DNER: variants seen among roughly 807,000 people sequenced by gnomAD.
The protein encoded by DNER is delta/notch like EGF repeat containing, also known as delta and Notch-like epidermal growth factor-related receptor.
DNER carries 33 observed loss-of-function variants against 78.2 expected under a neutral mutation model. That is an observed-to-expected ratio of 0.42 (90% CI 0.32 to 0.56). The LOEUF (loss-of-function observed/expected upper bound fraction) is 0.56, where lower values mean the gene tolerates loss of function less well. Ranked by LOEUF, DNER falls within the 20% of genes least tolerant of loss-of-function variation. DNER has a pLI of 0.11. For missense variants in DNER, 918 were observed against 975.3 expected, an observed-to-expected ratio of 0.94 and a Z score of 0.78; for synonymous variants, 417 against 384.8, an observed-to-expected ratio of 1.08 and a Z score of -0.98.
At chr2:229,486,899 G>A (rs1417889730) in intron 6 of DNER, among the ~76,000 whole-genome samples, 1 of 152,148 alleles carries the variant, frequency 6.6e-6, no homozygotes, top group East Asian at 1.9e-4. Context: ...AAACTCTGGG[G>A]GTGGGGCCTG....
chr2:229,655,015 T>TA (rs547138164), intron 1 of DNER, among the ~76,000 whole-genome samples: 27 of 152,056 alleles, frequency 1.8e-4, no homozygotes, highest in Admixed American at 1.4e-3. Context: ...TCAGATGTTT[T>TA]AAAAAAAATT....
At chr2:229,472,303 G>A (rs1033883683) in intron 7 of DNER, among the ~76,000 whole-genome samples, 4 of 152,140 alleles carry the variant, frequency 2.6e-5, no homozygotes, top group Non-Finnish European at 4.4e-5. Context: ...ATAGGTAATT[G>A]CCAGGAAGGT....
Position 229,585,974 on chromosome 2 carries a change from G to A in DNER, c.731C>T (p.Ala244Val), listed in dbSNP as rs1171988573. Residue 244 changes from alanine (A) to valine (V), a missense_variant, in exon 4 of 13, where the codon GCC (alanine) becomes GTC (valine). By Grantham distance (64) the Ala-to-Val change is moderately conservative. Transcript: ENST00000341772. ...GAGGGAGCACTGTTGGAATCCTGTG[G>A]CCGTGACCTTCCAGAGCAAAATCAG... is the stretch of plus-strand genomic sequence containing the variant. ...ASLILLWKVT[A>V]TGFQQCSLID... 3 of 1,613,948 alleles carry A rather than the reference G, an allele frequency of 1.9e-6. No homozygotes were observed. The highest frequency in any genetic ancestry group is 2.5e-6 in the Non-Finnish European group (3 of 1,179,976).
chr2:229,455,616 G>A (rs1463013574), intron 7 of DNER, among the ~76,000 whole-genome samples: 1 of 152,042 alleles, frequency 6.6e-6, no homozygotes, highest in Non-Finnish European at 1.5e-5. Context: ...ACAGTTACTG[G>A]GCCATGCAGT....
chr2:229,666,708 A>G (rs906636505), intron 1 of DNER, among the ~76,000 whole-genome samples: 15 of 152,180 alleles, frequency 9.9e-5, no homozygotes, highest in African/African-American at 3.6e-4. Context: ...CCATATCATG[A>G]TTTCTGACCA....
chr2:229,610,612 T>A (rs1437808749), intron 1 of DNER, among the ~76,000 whole-genome samples: 2 of 152,048 alleles, frequency 1.3e-5, no homozygotes, highest in Non-Finnish European at 2.9e-5. Flanking sequence ...GGTCCTTTCG[T>A]GATACTTAGG....
At chr2:229,499,135 T>C (rs967134024) in intron 6 of DNER, among the ~76,000 whole-genome samples, 6 of 152,076 alleles carry the variant, frequency 3.9e-5, no homozygotes, top group African/African-American at 1.4e-4. Context: ...TTTTCAACAA[T>C]GATGCCAAGA....
chr2:229,607,953 C>T (rs1435125775), intron 1 of DNER, among the ~76,000 whole-genome samples: 1 of 139,822 alleles, frequency 7.2e-6, no homozygotes, highest in Non-Finnish European at 1.5e-5. Context: ...ACCCAGGAGG[C>T]AGAGTTTGCA....
intron 4 of DNER, among the ~76,000 whole-genome samples, chr2:229,571,779 T>G (rs969790101): frequency 2.6e-5 from 4 of 152,128 alleles, no homozygotes; most frequent in African/African-American, 4.8e-5. Flanking sequence ...TTCTGCCACC[T>G]TGTTTCTCAG....
chr2:229,367,948 T>C (rs1373875386), intron 11 of DNER, among the ~76,000 whole-genome samples: 1 of 152,214 alleles, frequency 6.6e-6, no homozygotes, highest in Non-Finnish European at 1.5e-5. Flanking sequence ...TTATCACCTA[T>C]TCCATATTTA....
chr2:229,643,747 C>G (rs1162669259), intron 1 of DNER, among the ~76,000 whole-genome samples: 1 of 152,214 alleles, frequency 6.6e-6, no homozygotes, highest in Admixed American at 6.5e-5. Context: ...CTTATGTTAT[C>G]ACAATGCATG....
intron 8 of DNER, among the ~76,000 whole-genome samples, chr2:229,422,950 T>C (rs1487712829): frequency 6.6e-6 from 1 of 152,122 alleles, no homozygotes; most frequent in Non-Finnish European, 1.5e-5. Context: ...GAAGGTGGGT[T>C]AGCAGTGTCA....
At chr2:229,646,398 A>G (rs1057346054) in intron 1 of DNER, among the ~76,000 whole-genome samples, 2 of 152,246 alleles carry the variant, frequency 1.3e-5, no homozygotes, top group Admixed American at 1.3e-4. Flanking sequence ...TATCTGTTTA[A>G]TGCAGAATCC....
intron 11 of DNER, among the ~76,000 whole-genome samples, chr2:229,369,248 A>T (rs765342785): frequency 4.8e-4 from 73 of 151,068 alleles, no homozygotes; most frequent in African/African-American, 9.7e-4. Flanking sequence ...TAAAAAGTTT[A>T]AAAAAAAAGT....
Position 229,575,845 on chromosome 2 carries a change from A to T in DNER, c.847+10013T>A, listed in dbSNP as rs573887642. On this transcript the variant is annotated intron_variant, in intron 4 of 12. Coordinates refer to ENST00000341772, the MANE Select transcript of DNER (RefSeq NM_139072.4). Reference sequence around the variant, plus strand: ...GAGTTCAGGCCAACTAATTTTTTTAAATCCTAAAATCCATTAAGTAATAGA... The same window carrying T: ...GAGTTCAGGCCAACTAATTTTTTTATATCCTAAAATCCATTAAGTAATAGA... 4.9e-4 allele frequency among the ~76,000 whole-genome samples: 74 copies of T among 152,318 alleles called. 1 individual carries two copies. Among genetic ancestry groups the T allele is most frequent in the African/African-American group, 1.6e-3 (66 of 41,574 alleles).
At chr2:229,627,000 T>C (rs935721840) in intron 1 of DNER, among the ~76,000 whole-genome samples, 8 of 152,242 alleles carry the variant, frequency 5.3e-5, no homozygotes, top group Non-Finnish European at 1.2e-4. Context: ...GGGATGTTAA[T>C]AACTCAACCC....
intron 11 of DNER, among the ~76,000 whole-genome samples, chr2:229,379,520 T>C (rs930870893): frequency 7.9e-5 from 12 of 152,218 alleles, no homozygotes; most frequent in African/African-American, 2.2e-4. Context: ...TTTTTTACAA[T>C]GATAGGATTT....
intron 1 of DNER, among the ~76,000 whole-genome samples, chr2:229,646,751 T>C (rs1451431808): frequency 6.6e-6 from 1 of 152,266 alleles, no homozygotes; most frequent in Non-Finnish European, 1.5e-5. Flanking sequence ...GGCCAGGTCC[T>C]CAGGGTCCAC....
intron 5 of DNER, among the ~76,000 whole-genome samples, chr2:229,518,658 A>G (rs1696032143): frequency 6.6e-6 from 1 of 152,184 alleles, no homozygotes; most frequent in African/African-American, 2.4e-5. Context: ...TGAATCAGAA[A>G]ACTGAATCTT....
Sources: allele counts gnomAD v4.1 joint callset (sites outside exome capture counted in the v4.1 genomes callset), GRCh38; gene constraint gnomAD v4.1.1; transcripts MANE v1.5; gene names NCBI Gene and HGNC (gene_info 2026-07-23, HGNC 2026-07-21).